Variants in PLPPR1 observed in about 807,000 individuals in gnomAD.
PLPPR1 encodes phospholipid phosphatase related 1.
PLPPR1 carries 10 observed loss-of-function variants against 33.1 expected under a neutral mutation model. The ratio of observed to expected loss-of-function variants is 0.30; its 90% CI spans 0.19 to 0.51. PLPPR1 has a LOEUF of 0.51. Among genes scored for constraint, PLPPR1 ranks in the 20% least tolerant of loss-of-function variants. The probability of loss-of-function intolerance (pLI) is 0.97; values close to 1 mark genes in which losing one functional copy is unlikely to be tolerated. For missense variants in PLPPR1, 304 were observed against 408.1 expected (o/e 0.74, Z 2.20); for synonymous variants, 151 against 151.0 (o/e 1.00, Z 0.00).
At chr9:101,082,647 T>G (rs949478774) in intron 1 of PLPPR1, among the ~76,000 whole-genome samples, 1 of 152,200 alleles carries the variant, frequency 6.6e-6, no homozygotes, top group Admixed American at 6.5e-5. Flanking sequence ...CCTTACCTTT[T>G]CTGGGTTTTA....
intron 1 of PLPPR1, among the ~76,000 whole-genome samples, chr9:101,057,919 T>G (rs879144647): frequency 6.6e-6 from 1 of 152,106 alleles, no homozygotes; most frequent in Admixed American, 6.6e-5. Flanking sequence ...TGAGTACATT[T>G]GGAGGTGAGG....
intron 2 of PLPPR1, among the ~76,000 whole-genome samples, chr9:101,186,566 T>C (rs1192788130): frequency 6.6e-6 from 1 of 151,882 alleles, no homozygotes; most frequent in Admixed American, 6.6e-5. Flanking sequence ...TTAGCAAAAA[T>C]GTACTTTCAG....
intron 1 of PLPPR1, among the ~76,000 whole-genome samples, chr9:101,031,751 AAT>A (rs1443606438): frequency 1.3e-5 from 2 of 152,236 alleles, no homozygotes; most frequent in Admixed American, 6.5e-5. Context: ...GAGAAAAATG[AAT>A]AGTCTTTTAC....
At chr9:101,295,739 G>A (rs1441091939) in intron 4 of PLPPR1, among the ~76,000 whole-genome samples, 3 of 151,928 alleles carry the variant, frequency 2.0e-5, no homozygotes, top group Non-Finnish European at 2.9e-5. Context: ...TGGGAAAACT[G>A]GCTAGCCATA....
chr9:101,184,230 AACTT>A (rs1448424243), intron 1 of PLPPR1, among the ~76,000 whole-genome samples: 2 of 151,920 alleles, frequency 1.3e-5, no homozygotes, highest in African/African-American at 4.8e-5. Flanking sequence ...AGTTGCCTAA[AACTT>A]AAATACTGTG....
intron 2 of PLPPR1, among the ~76,000 whole-genome samples, chr9:101,236,773 C>G (rs930456611): frequency 6.6e-6 from 1 of 151,600 alleles, no homozygotes; most frequent in Admixed American, 6.6e-5. Context: ...TCTCCTCTAT[C>G]TTTTTGAAAA....
At chr9:101,219,420 T>C (rs1826878192) in intron 2 of PLPPR1, among the ~76,000 whole-genome samples, 1 of 152,250 alleles carries the variant, frequency 6.6e-6, no homozygotes, top group Admixed American at 6.5e-5. Flanking sequence ...TTATGATTTA[T>C]AGGACCATCT....
intron 2 of PLPPR1, among the ~76,000 whole-genome samples, chr9:101,219,333 G>T (rs1415319451): frequency 2.6e-5 from 4 of 152,184 alleles, no homozygotes; most frequent in African/African-American, 9.7e-5. Context: ...TGGTACGTGA[G>T]AAAAGAAGCA....
intron 1 of PLPPR1, among the ~76,000 whole-genome samples, chr9:101,164,618 T>G (rs964175449): frequency 4.6e-5 from 7 of 152,128 alleles, no homozygotes; most frequent in Non-Finnish European, 8.8e-5. Context: ...TCTACCTGCC[T>G]CGGCCTCCCA....
intron 3 of PLPPR1, among the ~76,000 whole-genome samples, chr9:101,284,768 C>T (rs1828362646): frequency 6.6e-6 from 1 of 152,152 alleles, no homozygotes; most frequent in Non-Finnish European, 1.5e-5. Flanking sequence ...TCTAAACAGA[C>T]ATTCCAGCAT....
intron 1 of PLPPR1, among the ~76,000 whole-genome samples, chr9:101,039,501 T>C (rs1384302612): frequency 2.0e-5 from 3 of 152,170 alleles, no homozygotes; most frequent in Non-Finnish European, 2.9e-5. Context: ...TAGAACCATT[T>C]AGATGTCAAG....
At chr9:101,232,310 T>A (rs1220584702) in intron 2 of PLPPR1, among the ~76,000 whole-genome samples, 1 of 152,014 alleles carries the variant, frequency 6.6e-6, no homozygotes, top group Non-Finnish European at 1.5e-5. Flanking sequence ...CTGGTTCAAG[T>A]AGACCAGTGG....
intron 1 of PLPPR1, among the ~76,000 whole-genome samples, chr9:101,067,642 CTT>C (rs940339633): frequency 5.9e-5 from 9 of 152,038 alleles, no homozygotes; most frequent in Admixed American, 3.3e-4. Context: ...CCTTTCAAAA[CTT>C]TGTCTGGAGT....
intron 1 of PLPPR1, among the ~76,000 whole-genome samples, chr9:101,110,110 T>G (rs886126711): frequency 3.9e-5 from 6 of 152,200 alleles, no homozygotes; most frequent in Non-Finnish European, 8.8e-5. Flanking sequence ...GTGAATAATA[T>G]AAATTACAAA....
At chr9:101,124,952 G>C (rs1171555601) in intron 1 of PLPPR1, among the ~76,000 whole-genome samples, 10 of 152,212 alleles carry the variant, frequency 6.6e-5, no homozygotes, top group Admixed American at 6.5e-4. Context: ...AGGACCAAAA[G>C]GTCCTGGAGA....
At chr9:101,069,565 G>A (rs1024839831) in intron 1 of PLPPR1, among the ~76,000 whole-genome samples, 3 of 152,120 alleles carry the variant, frequency 2.0e-5, no homozygotes, top group Non-Finnish European at 1.5e-5. Flanking sequence ...GAATTACCTG[G>A]AAAACTGGAA....
At chr9:101,129,378 G>A (rs968861802) in intron 1 of PLPPR1, among the ~76,000 whole-genome samples, 7 of 152,028 alleles carry the variant, frequency 4.6e-5, no homozygotes, top group Admixed American at 4.6e-4. Flanking sequence ...TTATCCAAGA[G>A]AAATGAAAGC....
intron 2 of PLPPR1, among the ~76,000 whole-genome samples, chr9:101,227,767 A>T (rs549183744): frequency 6.6e-6 from 1 of 152,038 alleles, no homozygotes; most frequent in Admixed American, 6.6e-5. Flanking sequence ...CTAGTTTTTC[A>T]ATTTTGTTCC....
chr9:101,042,934 A>G lies in PLPPR1; in HGVS notation c.-46+13832A>G, dbSNP rs927587754. Among the ~76,000 whole-genome samples the G allele has an allele frequency of 5.3e-5, 8 of 151,874 alleles. 1 individual carries two copies. In the South Asian group the frequency reaches 1.0e-3, roughly 20 times the overall value. On this transcript the variant is annotated intron_variant, in intron 1 of 7. Coordinates refer to ENST00000374874, the MANE Select transcript of PLPPR1 (RefSeq NM_207299.2). ...CTGCTTTCCCTTTGCATTTTTTTCCATAGGTTTTTGGGGAACAGGTGGTAT... is the reference window on the plus strand; with the variant it reads ...CTGCTTTCCCTTTGCATTTTTTTCCGTAGGTTTTTGGGGAACAGGTGGTAT...
Sources: gnomAD v4.1 joint callset for allele counts (sites outside exome capture counted in the v4.1 genomes callset) on GRCh38, gnomAD v4.1.1 for gene constraint, MANE v1.5 for transcripts, NCBI Gene and HGNC (gene_info 2026-07-23, HGNC 2026-07-21) for gene names.